GOLGA8A: variants seen among roughly 807,000 people sequenced by gnomAD.
GOLGA8A encodes the protein golgin subfamily A member 8A.
In GOLGA8A, 3 loss-of-function variants were observed where a neutral mutation model predicts 22.1. That is an observed-to-expected ratio of 0.14 (90% CI 0.06 to 0.35). GOLGA8A has a LOEUF of 0.35. Among genes scored for constraint, GOLGA8A ranks in the 10% least tolerant of loss-of-function variants. The pLI is 1.00. For missense variants in GOLGA8A, 16 were observed against 233.2 expected (o/e 0.07, Z 6.07); for synonymous variants, 7 against 91.7 (o/e 0.08, Z 5.28).
At chr15:34,431,335 A>C (rs887632021) in intron 2 of GOLGA8A, among the ~76,000 whole-genome samples, 13,549 of 67,356 alleles carry the variant, frequency 0.2, 1,327 homozygotes, top group African/African-American at 0.25. Flanking sequence ...ATATATATAT[A>C]TATATATATA....
In GOLGA8A at chr15:34,424,141, A is replaced by T. The variant is rs574060980; in HGVS notation, c.-1123+11242T>A. ...CCTTGCCTGGAGAAACCACTCCCTA[A>T]GACCCCTCTCCTCCAGCTTGCCCAG... is the stretch of plus-strand genomic sequence containing the variant. On this transcript the variant is annotated intron_variant, in intron 2 of 24. Coordinates refer to ENST00000359187, the MANE Select transcript of GOLGA8A (RefSeq NM_181077.5). 8.6e-3 allele frequency among the ~76,000 whole-genome samples: 1,264 copies of T among 146,452 alleles called. 68 individuals carry two copies. The highest frequency in any genetic ancestry group is 0.03 in the African/African-American group (1,197 of 39,478).
rs1315699137 is a variant in GOLGA8A, at chr15:34,381,097, T to G, written c.*314A>C. 5.4e-5 allele frequency: 24 copies of G among 441,146 alleles called. No homozygotes were observed. The East Asian group carries it at 1.0e-3, about 19-fold the overall frequency. 27.3% of individuals were successfully genotyped at this position (441,146 alleles called of 1,614,324 possible). Reference sequence around the variant, plus strand: ...TTCCAAACCAGCGAGAACAGTTTTGTGCAAAGAGTGGGTCTTTGTGTGTTT... The same window carrying G: ...TTCCAAACCAGCGAGAACAGTTTTGGGCAAAGAGTGGGTCTTTGTGTGTTT... On this transcript the variant is annotated 3_prime_UTR_variant, in exon 25 of 25. Transcript: ENST00000359187.
intron 2 of GOLGA8A, among the ~76,000 whole-genome samples, chr15:34,427,718 G>T (rs1401380252): frequency 6.7e-6 from 1 of 148,364 alleles, no homozygotes; most frequent in Non-Finnish European, 1.5e-5. Flanking sequence ...GGAGGGCTTG[G>T]TTTCAACCTA....
rs112954048 is a variant in GOLGA8A at position 34,437,750 on chromosome 15, C to T, written c.-1564G>A. ...GGGTCTCTCCCGGGGGCTGAGCTCC[C>T]GCAGAGCTCGCGCCTAGCCGCACAC... On this transcript the variant is annotated 5_prime_UTR_variant, in exon 1 of 25. Transcript: ENST00000359187. Among the ~76,000 whole-genome samples the T allele has an allele frequency of 5.7e-5, 7 of 122,788 alleles. 1 individual carries two copies. Among genetic ancestry groups the T allele is most frequent in the African/African-American group, 1.4e-4 (5 of 35,826 alleles). 80.6% of individuals were successfully genotyped at this position (122,788 alleles called of 152,430 possible). A position where few individuals can be genotyped will look rare whatever the true frequency, so the allele number is the denominator to read the frequency against.
intron 2 of GOLGA8A, among the ~76,000 whole-genome samples, chr15:34,431,935 T>G (rs1202325376): frequency 2.7e-5 from 4 of 149,068 alleles, no homozygotes; most frequent in African/African-American, 9.9e-5. Flanking sequence ...CAATGTCATG[T>G]GATGCATGAC....
rs1207054124 is a variant in GOLGA8A, at chr15:34,421,363, T to TCATTGC, written c.-1122-13629_-1122-13628insGCAATG. Among the ~76,000 whole-genome samples, 276 of 142,642 alleles carry TCATTGC rather than the reference T, an allele frequency of 1.9e-3. 20 individuals are homozygous for TCATTGC. Among genetic ancestry groups the TCATTGC allele is most frequent in the African/African-American group, 6.7e-3 (260 of 38,956 alleles). The allele number at this position is 142,642 out of a possible 152,430, so 93.6% of individuals were successfully genotyped here. A position where few individuals can be genotyped will look rare whatever the true frequency, so the allele number is the denominator to read the frequency against. On this transcript the variant is annotated intron_variant, in intron 2 of 24. Coordinates refer to ENST00000359187, the MANE Select transcript of GOLGA8A (RefSeq NM_181077.5). ...ATAAAACCCATCCCATTAGGAACAC[T>TCATTGC]GTCATTGCAGCCCATCTCCAGCACT...
chr15:34,421,259 T>G (rs3889892), intron 2 of GOLGA8A, among the ~76,000 whole-genome samples: 42,200 of 141,536 alleles, frequency 0.3, 10,189 homozygotes, highest in African/African-American at 0.4. Flanking sequence ...TAATTTTCCA[T>G]TAAACGACAA....
chr15:34,429,762 C>T (rs918108494), intron 2 of GOLGA8A, among the ~76,000 whole-genome samples: 13 of 146,994 alleles, frequency 8.8e-5, no homozygotes, highest in Non-Finnish European at 1.4e-4. Flanking sequence ...CAAAGGGACT[C>T]GGGGGTAAGA....
intron 2 of GOLGA8A, chr15:34,418,292 T>C (rs1354163696): frequency 7.3e-6 from 1 of 137,134 alleles, no homozygotes; most frequent in Non-Finnish European, 1.6e-5. Flanking sequence ...TCCAAAGACA[T>C]TGAGTCTAGG....
rs1892030835 is a variant in GOLGA8A, at chr15:34,400,769, C to T, written c.-574-10G>A. On this transcript the variant is annotated splice_polypyrimidine_tract_variant and intron_variant, in intron 5 of 24. Transcript: ENST00000359187. ...ACAACGACAACAGTTTCTATGATAA[C>T]AAAAGTGAGAGAAAATACTGACATT... The T allele has an allele frequency of 6.8e-6, 1 of 146,278 alleles. No individual in the cohort carries two copies. Among genetic ancestry groups the T allele is most frequent in the Non-Finnish European group, 1.5e-5 (1 of 64,518 alleles). The allele number at this position is 146,278 out of a possible 1,614,324, so 9.1% of individuals were successfully genotyped here.
At chr15:34,425,830 C>G (rs1465167443) in intron 2 of GOLGA8A, among the ~76,000 whole-genome samples, 2 of 145,956 alleles carry the variant, frequency 1.4e-5, no homozygotes, top group African/African-American at 5.0e-5. Context: ...ACAGAAGAAA[C>G]AGCTTCTTAT....
At position 34,437,445 on chromosome 15, in the gene GOLGA8A, CCGCCGTCCT is replaced by C. The variant is rs1893593839; in HGVS notation, c.-1268_-1260del. 1 of 138,006 alleles carries C rather than the reference CCGCCGTCCT, an allele frequency of 7.2e-6. No individual in the cohort carries two copies. Among genetic ancestry groups the C allele is most frequent in the Non-Finnish European group, 1.6e-5 (1 of 62,526 alleles). The allele number at this position is 138,006 out of a possible 1,614,324, so 8.5% of individuals were successfully genotyped here. A position where few individuals can be genotyped will look rare whatever the true frequency, so the allele number is the denominator to read the frequency against. On this transcript the variant is annotated 5_prime_UTR_variant, in exon 1 of 25. Transcript: ENST00000359187. Reference sequence around the variant, plus strand: ...CCGGTCCGCCGCCGTCCTCGCCGCGCCGCCGTCCTCGCCGCGCCGCCGTCCTCGCCGCGC... The same window carrying C: ...CCGGTCCGCCGCCGTCCTCGCCGCGCCGCCGCGCCGCCGTCCTCGCCGCGC...
intron 2 of GOLGA8A, chr15:34,417,650 A>C (rs1388614238): frequency 6.9e-6 from 1 of 145,430 alleles, no homozygotes; most frequent in Non-Finnish European, 1.5e-5. Context: ...GTAGTGTTTT[A>C]TTTTTGCATT....
intron 2 of GOLGA8A, among the ~76,000 whole-genome samples, chr15:34,429,670 G>A (rs1469180327): frequency 5.4e-5 from 8 of 147,898 alleles, no homozygotes; most frequent in Non-Finnish European, 1.2e-4. Flanking sequence ...GCTCTAAACT[G>A]GGAACAAGAA....
intron 2 of GOLGA8A, among the ~76,000 whole-genome samples, chr15:34,425,172 A>C (rs1266258309): frequency 6.8e-6 from 1 of 146,512 alleles, no homozygotes. Flanking sequence ...AAGAAGAGGA[A>C]TGAAGAGGTA....
chr15:34,433,032 G>T (rs1251398246), intron 2 of GOLGA8A, among the ~76,000 whole-genome samples: 6 of 149,206 alleles, frequency 4.0e-5, no homozygotes, highest in Admixed American at 2.7e-4. Flanking sequence ...CAAGCCAGAA[G>T]ACTGGTCCTG....
At chr15:34,423,612 C>T (rs77899337) in intron 2 of GOLGA8A, among the ~76,000 whole-genome samples, 1 of 142,874 alleles carries the variant, frequency 7.0e-6, no homozygotes, top group East Asian at 2.2e-4. Context: ...GCAAGGTCAA[C>T]GCTAGAACAT....
At chr15:34,429,812 G>A (rs1178253344) in intron 2 of GOLGA8A, among the ~76,000 whole-genome samples, 1 of 147,644 alleles carries the variant, frequency 6.8e-6, no homozygotes, top group Non-Finnish European at 1.5e-5. Flanking sequence ...CCACTGCAGA[G>A]TCCTTGAGTG....
At chr15:34,434,702 C>A (rs1170093695) in intron 2 of GOLGA8A, among the ~76,000 whole-genome samples, 2 of 149,406 alleles carry the variant, frequency 1.3e-5, no homozygotes, top group Non-Finnish European at 3.0e-5. Flanking sequence ...CCCCAGCCCC[C>A]GATGGGCACA....
Sources: gnomAD v4.1 joint callset for allele counts (sites outside exome capture counted in the v4.1 genomes callset) on GRCh38, gnomAD v4.1.1 for gene constraint, MANE v1.5 for transcripts, NCBI Gene and HGNC (gene_info 2026-07-23, HGNC 2026-07-21) for gene names.